Variants in LRP1B observed in about 807,000 individuals in gnomAD.
LRP1B encodes the protein low-density lipoprotein receptor-related protein 1B.
LRP1B carries 217 observed loss-of-function variants against 556.6 expected under a neutral mutation model. The ratio of observed to expected loss-of-function variants is 0.39; its 90% CI spans 0.35 to 0.44. The LOEUF (loss-of-function observed/expected upper bound fraction) is 0.44. Ranked by LOEUF, LRP1B falls within the 20% of genes least tolerant of loss-of-function variation. The pLI is 1.00. For missense variants in LRP1B, 5,053 were observed against 5,620.8 expected (o/e 0.90, Z 3.23); for synonymous variants, 2,047 against 1,865.8 (o/e 1.10, Z -2.50).
intron 35 of LRP1B, among the ~76,000 whole-genome samples, chr2:140,723,322 G>A (rs905894940): frequency 9.2e-5 from 14 of 152,028 alleles, no homozygotes; most frequent in African/African-American, 3.1e-4. Context: ...TTAACTTTGG[G>A]AACATCAAAA....
At chr2:141,827,397 G>A (rs1351035086) in intron 1 of LRP1B, among the ~76,000 whole-genome samples, 2 of 152,106 alleles carry the variant, frequency 1.3e-5, no homozygotes, top group Non-Finnish European at 2.9e-5. Flanking sequence ...TTTTTAAATA[G>A]GAGGGGAAGT....
intron 7 of LRP1B, among the ~76,000 whole-genome samples, chr2:141,143,209 G>A (rs1202519454): frequency 6.6e-6 from 1 of 152,100 alleles, no homozygotes; most frequent in Non-Finnish European, 1.5e-5. Context: ...GATTACAGGC[G>A]TGAGCCACCG....
chr2:141,659,761 C>T (rs1690144260), intron 2 of LRP1B, among the ~76,000 whole-genome samples: 3 of 152,048 alleles, frequency 2.0e-5, no homozygotes, highest in Non-Finnish European at 2.9e-5. Flanking sequence ...ATCAATTTAC[C>T]TTTCTGAGTT....
At chr2:141,188,665 C>A (rs2105194547) in intron 6 of LRP1B, 82 bp from the exon 7 acceptor site, 2 of 1,243,052 alleles carry the variant, frequency 1.6e-6, no homozygotes, top group East Asian at 2.4e-5. Context: ...TGTTTCCAAA[C>A]CATCATAGAG....
intron 66 of LRP1B, among the ~76,000 whole-genome samples, chr2:140,397,228 G>T (rs1019175487): frequency 6.6e-6 from 1 of 151,900 alleles, no homozygotes; most frequent in Non-Finnish European, 1.5e-5. Flanking sequence ...GGATGTGCAG[G>T]TCTGTTGCAC....
In LRP1B at chr2:141,925,693, G is replaced by C. The variant is rs559952064; in HGVS notation, c.83-115292C>G. 2.9e-4 allele frequency among the ~76,000 whole-genome samples: 44 copies of C among 152,222 alleles called. No individual in the cohort carries two copies. The East Asian group carries it at 7.1e-3, about 25-fold the overall frequency. Reference sequence around the variant, plus strand: ...GCTCAATATTTCTATTACATTAATGGTACAATTATCACATAGGGATCAACT... The same window carrying C: ...GCTCAATATTTCTATTACATTAATGCTACAATTATCACATAGGGATCAACT... On this transcript the variant is annotated intron_variant, in intron 1 of 90. Coordinates refer to ENST00000389484, the MANE Select transcript of LRP1B (RefSeq NM_018557.3).
At chr2:141,253,940 T>A (rs972292687) in intron 4 of LRP1B, among the ~76,000 whole-genome samples, 2 of 152,078 alleles carry the variant, frequency 1.3e-5, no homozygotes, top group East Asian at 3.8e-4. Flanking sequence ...AATATATGTA[T>A]AATTGGAATC....
chr2:140,381,094 A>T (rs918743366), intron 67 of LRP1B, among the ~76,000 whole-genome samples: 1 of 152,172 alleles, frequency 6.6e-6, no homozygotes, highest in African/African-American at 2.4e-5. Flanking sequence ...TCTAACCATC[A>T]TTCATATACC....
chr2:141,040,784 C>A (rs544058023), intron 11 of LRP1B, among the ~76,000 whole-genome samples: 1 of 152,186 alleles, frequency 6.6e-6, no homozygotes, highest in East Asian at 1.9e-4. Context: ...ATGCTGGGGA[C>A]AGGACTGAGC....
At chr2:140,416,534 C>A (rs140295156) in intron 66 of LRP1B, among the ~76,000 whole-genome samples, 3 of 151,908 alleles carry the variant, frequency 2.0e-5, no homozygotes, top group Admixed American at 6.5e-5. Context: ...TGCATGCCTG[C>A]AGTCCCAGTT....
chr2:141,751,636 C>G (rs1224512033), intron 2 of LRP1B, among the ~76,000 whole-genome samples: 2 of 151,930 alleles, frequency 1.3e-5, no homozygotes, highest in African/African-American at 4.8e-5. Flanking sequence ...GTCCCCACCT[C>G]ACTCCAAAGC....
chr2:141,044,405 A>C (rs1381888599), intron 11 of LRP1B, among the ~76,000 whole-genome samples: 3 of 151,666 alleles, frequency 2.0e-5, no homozygotes, highest in East Asian at 1.9e-4. Context: ...GCAACAAAAG[A>C]CAAAATTGAC....
At chr2:141,394,627 A>T (rs998657355) in intron 3 of LRP1B, among the ~76,000 whole-genome samples, 1 of 152,090 alleles carries the variant, frequency 6.6e-6, no homozygotes, top group Non-Finnish European at 1.5e-5. Context: ...TGGTGTATCA[A>T]TGTCAGCACA....
chr2:140,258,250 C>A (rs17385709), intron 86 of LRP1B, among the ~76,000 whole-genome samples: 3,121 of 151,888 alleles, frequency 0.021, 40 homozygotes, highest in African/African-American at 0.029. Context: ...TAACTCAGAT[C>A]ACTCTCTAAA....
At chr2:141,251,028 G>T (rs1684241261) in intron 4 of LRP1B, among the ~76,000 whole-genome samples, 1 of 152,132 alleles carries the variant, frequency 6.6e-6, no homozygotes, top group African/African-American at 2.4e-5. Flanking sequence ...TATACAAATT[G>T]TCTTGTTTGC....
chr2:141,838,428 C>T (rs1324249395), intron 1 of LRP1B, among the ~76,000 whole-genome samples: 2 of 152,162 alleles, frequency 1.3e-5, no homozygotes, highest in Non-Finnish European at 2.9e-5. Flanking sequence ...TATTTAGTGA[C>T]TGTTTGAGTC....
intron 2 of LRP1B, among the ~76,000 whole-genome samples, chr2:141,552,794 T>A (rs1240324856): frequency 6.6e-6 from 1 of 151,944 alleles, no homozygotes; most frequent in Admixed American, 6.6e-5. Context: ...AAAATTCTAC[T>A]GGGATTATTG....
At chr2:140,297,109 A>G (rs955177294) in intron 84 of LRP1B, among the ~76,000 whole-genome samples, 2 of 152,134 alleles carry the variant, frequency 1.3e-5, no homozygotes, top group African/African-American at 4.8e-5. Context: ...TGGAGAGCAT[A>G]GGATTAGATG....
intron 2 of LRP1B, among the ~76,000 whole-genome samples, chr2:141,574,097 AAGCCAGC>A (rs2105267784): frequency 6.6e-6 from 1 of 152,346 alleles, no homozygotes; most frequent in East Asian, 1.9e-4. Context: ...TCATTTTATG[AAGCCAGC>A]ATCATCCTGA....
Sources: gnomAD v4.1 joint callset for allele counts (sites outside exome capture counted in the v4.1 genomes callset) on GRCh38, gnomAD v4.1.1 for gene constraint, MANE v1.5 for transcripts, NCBI Gene and HGNC (gene_info 2026-07-23, HGNC 2026-07-21) for gene names.